ZNF507: variants seen among roughly 807,000 people sequenced by gnomAD.
ZNF507 encodes the protein zinc finger protein 507.
Under a neutral mutation model 80.0 loss-of-function variants are expected in ZNF507, and 29 were observed. The observed-to-expected ratio is 0.36, with a 90% CI of 0.27 to 0.49. ZNF507 has a LOEUF of 0.49. Ranked by LOEUF, ZNF507 falls within the 20% of genes least tolerant of loss-of-function variation. The probability of loss-of-function intolerance (pLI) is 0.98; values close to 1 mark genes in which losing one functional copy is unlikely to be tolerated. For synonymous variants in ZNF507, 462 were observed against 422.5 expected, an observed-to-expected ratio of 1.09 and a Z score of -1.15; for missense variants, 1,081 against 1,152.2, an observed-to-expected ratio of 0.94 and a Z score of 0.90.
rs542888538 is a variant in ZNF507 at position 32,356,309 on chromosome 19, G to A, written c.2128-307G>A. The stretch of plus-strand genomic sequence containing the variant: ...TTGCATTATTCTGAACACTCTGCTC[G>A]TTCCTCCTCTGGGCCTACCAGTGTT... On this transcript the variant is annotated intron_variant, in intron 3 of 6. Transcript: ENST00000355898. 5.3e-5 allele frequency among the ~76,000 whole-genome samples: 8 copies of A among 152,268 alleles called. No individual in the cohort carries two copies. The East Asian group carries it at 5.8e-4, about 11-fold the overall frequency.
Position 32,354,745 on chromosome 19 carries a change from C to T in ZNF507, c.1915C>T (p.Arg639Ter). The change falls in exon 3 of 7, where the codon CGA (arginine) becomes TGA (stop). Residue 639 changes from arginine to a stop codon, truncating the protein, a stop_gained. Transcript: ENST00000355898. LOFTEE classifies it high-confidence loss of function. ...NVVEYIPNAE[R>*]PYRCRLCHYT... is the part of the protein sequence containing the mutation. The stretch of plus-strand genomic sequence containing the variant: ...GGTGGAATACATCCCGAATGCTGAA[C>T]GACCCTACCGTTGCCGCCTGTGTCA... The T allele has an allele frequency of 6.2e-7, 1 of 1,614,148 alleles. No homozygotes were observed.
chr19:32,354,181 A>G lies in ZNF507; in HGVS notation c.1351A>G (p.Ile451Val), dbSNP rs1327593235. 7 of 1,613,320 alleles carry G rather than the reference A, an allele frequency of 4.3e-6. No individual in the cohort carries two copies. In the Middle Eastern group the frequency reaches 4.9e-4, roughly 114 times the overall value. ...TCGTGCTGATAAATGTACTGTTGAT[A>G]TTGGGGGATTGATCATAGGCTGGAG... ...VYRADKCTVD[I>V]GGLIIGWSSS... is the part of the protein sequence containing the mutation. The change falls in exon 3 of 7, where the codon ATT (isoleucine) becomes GTT (valine). Residue 451 changes from isoleucine to valine, a missense_variant. Coordinates refer to ENST00000355898, the MANE Select transcript of ZNF507 (RefSeq NM_001136156.2).
chr19:32,368,277 T>A (rs904509161), intron 5 of ZNF507, among the ~76,000 whole-genome samples: 5 of 152,162 alleles, frequency 3.3e-5, no homozygotes, highest in Non-Finnish European at 7.4e-5. Flanking sequence ...TGGGGTCTCA[T>A]CAGGGAAGGC....
At chr19:32,373,043 C>T (rs1423818909) in intron 5 of ZNF507, among the ~76,000 whole-genome samples, 1 of 152,186 alleles carries the variant, frequency 6.6e-6, no homozygotes, top group Non-Finnish European at 1.5e-5. Flanking sequence ...ATAAATAACA[C>T]CTTTTTGCAG....
At position 32,353,462 on chromosome 19, in the gene ZNF507, T is replaced by C. The variant is rs1453121208; in HGVS notation, c.632T>C (p.Ile211Thr). Reference sequence around the variant, plus strand: ...AAAACCACAGAAAGAAATGAAACCATTCCAGATATCCCAGTAAGTGTGGAC... The same window carrying C: ...AAAACCACAGAAAGAAATGAAACCACTCCAGATATCCCAGTAAGTGTGGAC... The part of the protein sequence containing the change: ...CRKTTERNET[I>T]PDIPVSVDNL... The change falls in exon 3 of 7, where the codon ATT (isoleucine) becomes ACT (threonine). Residue 211 changes from isoleucine to threonine, a missense_variant. This residue lies in a region of ZNF507 where 275 missense variants were observed against 303.9 expected (regional missense o/e 0.90). Transcript: ENST00000355898. The C allele has an allele frequency of 6.2e-7, 1 of 1,614,208 alleles. No individual in the cohort carries two copies. Among genetic ancestry groups the C allele is most frequent in the Non-Finnish European group, 8.5e-7 (1 of 1,180,032 alleles).
intron 1 of ZNF507, among the ~76,000 whole-genome samples, chr19:32,346,213 A>G (rs923840750): frequency 6.6e-6 from 1 of 152,188 alleles, no homozygotes; most frequent in African/African-American, 2.4e-5. Flanking sequence ...CGTGGTGTAG[A>G]AAAAGCTACT....
chr19:32,365,692 A>G (rs2145329888), intron 5 of ZNF507, among the ~76,000 whole-genome samples: 1 of 152,328 alleles, frequency 6.6e-6, no homozygotes. Context: ...AGAACAAAAC[A>G]TTGTCCTAAG....
intron 5 of ZNF507, among the ~76,000 whole-genome samples, chr19:32,378,506 TTAA>T (rs541005679): frequency 7.2e-4 from 109 of 152,258 alleles, no homozygotes; most frequent in African/African-American, 2.4e-3. Context: ...TGGACTTCAG[TTAA>T]TAATGATGTA....
chr19:32,370,697 G>A (rs1967458936), intron 5 of ZNF507, among the ~76,000 whole-genome samples: 1 of 152,098 alleles, frequency 6.6e-6, no homozygotes, highest in South Asian at 2.1e-4. Flanking sequence ...CTTTCATTTT[G>A]TTGATTGTTT....
chr19:32,381,153 T>C (rs1328916821), intron 5 of ZNF507, among the ~76,000 whole-genome samples: 1 of 152,110 alleles, frequency 6.6e-6, no homozygotes, highest in Non-Finnish European at 1.5e-5. Context: ...TGTGATCTTC[T>C]GGGAAAGGCA....
At chr19:32,374,589 C>G (rs1967521594) in intron 5 of ZNF507, among the ~76,000 whole-genome samples, 1 of 151,444 alleles carries the variant, frequency 6.6e-6, no homozygotes, top group Admixed American at 6.6e-5. Flanking sequence ...TCAAGAGATT[C>G]TCGTGCCTCA....
chr19:32,362,189 T>C (rs1006472598), intron 5 of ZNF507, among the ~76,000 whole-genome samples: 7 of 152,192 alleles, frequency 4.6e-5, no homozygotes, highest in Admixed American at 1.3e-4. Flanking sequence ...CCAATCAGTC[T>C]ATTTAATAGG....
In ZNF507 at chr19:32,357,153, T is replaced by G. The variant is rs150142613; in HGVS notation, c.2245+420T>G. 520 of 154,416 alleles carry G rather than the reference T, an allele frequency of 3.4e-3. 3 individuals are homozygous for G. The highest frequency in any genetic ancestry group is 0.012 in the African/African-American group (501 of 41,562). 9.6% of individuals were successfully genotyped at this position (154,416 alleles called of 1,614,324 possible). On this transcript the variant is annotated intron_variant, in intron 4 of 6. Transcript: ENST00000355898. ...ACTGGGGCTCCCCGCTGTGATCTTA[T>G]TCTTACCCAAGTATGACTGCCAGAT...
chr19:32,374,209 CTCAT>C (rs1399070889), intron 5 of ZNF507, among the ~76,000 whole-genome samples: 16 of 151,998 alleles, frequency 1.1e-4, no homozygotes, highest in African/African-American at 3.6e-4. Flanking sequence ...CTTTCTCTCA[CTCAT>C]TGTTAGGCTT....
chr19:32,351,972 G>A (rs1967174717), intron 2 of ZNF507, among the ~76,000 whole-genome samples: 1 of 151,200 alleles, frequency 6.6e-6, no homozygotes, highest in African/African-American at 2.4e-5. Flanking sequence ...TTATTAGAAC[G>A]AACAAATAAC....
intron 5 of ZNF507, among the ~76,000 whole-genome samples, chr19:32,362,511 A>G (rs1453354287): frequency 6.6e-6 from 1 of 152,356 alleles, no homozygotes; most frequent in Non-Finnish European, 1.5e-5. Flanking sequence ...CTTTGCTGTC[A>G]TGGAACTTGT....
At chr19:32,364,695 A>G (rs909853002) in intron 5 of ZNF507, among the ~76,000 whole-genome samples, 2 of 152,188 alleles carry the variant, frequency 1.3e-5, no homozygotes, top group African/African-American at 4.8e-5. Context: ...GTAGTATTCA[A>G]TCATATATAT....
At chr19:32,374,831 A>C (rs979949353) in intron 5 of ZNF507, among the ~76,000 whole-genome samples, 13 of 152,166 alleles carry the variant, frequency 8.5e-5, no homozygotes, top group African/African-American at 3.1e-4. Context: ...TGGTACCTCC[A>C]CAACACTGCA....
rs766337650 is a variant in ZNF507 at position 32,353,189 on chromosome 19, G to A, written c.359G>A (p.Gly120Glu). ...CCTGACACTCTTGCCCAGAATGAAG[G>A]GAAGGCTATGTCTTATCAGTGTAGC... Reference protein sequence around the residue: ...FTPDTLAQNEGKAMSYQCSLC... With the variant: ...FTPDTLAQNEEKAMSYQCSLC... Residue 120 changes from glycine (G) to glutamate (E), a missense_variant, in exon 3 of 7, where the codon GGG (glycine) becomes GAG (glutamate). Coordinates refer to ENST00000355898, the MANE Select transcript of ZNF507 (RefSeq NM_001136156.2). 13 of 1,614,030 alleles carry A rather than the reference G, an allele frequency of 8.1e-6. No individual in the cohort carries two copies. The African/African-American group carries it at 1.7e-4, about 22-fold the overall frequency.
Sources: allele counts gnomAD v4.1 joint callset (sites outside exome capture counted in the v4.1 genomes callset), GRCh38; gene constraint gnomAD v4.1.1; regional missense constraint gnomAD v4.1.1; transcripts MANE v1.5; gene names NCBI Gene and HGNC (gene_info 2026-07-23, HGNC 2026-07-21).